PRPF8: variants seen among roughly 807,000 people sequenced by gnomAD.
PRPF8 encodes pre-mRNA-processing-splicing factor 8.
PRPF8 carries 64 observed loss-of-function variants against 285.9 expected under a neutral mutation model. The observed-to-expected ratio is 0.22, with a 90% CI of 0.18 to 0.28. The LOEUF (loss-of-function observed/expected upper bound fraction) is 0.28, where lower values mean the gene tolerates loss of function less well. Ranked by LOEUF, PRPF8 falls within the 10% of genes least tolerant of loss-of-function variation. The probability of loss-of-function intolerance (pLI) is 1.00; values close to 1 mark genes in which losing one functional copy is unlikely to be tolerated. For synonymous variants in PRPF8, 1,325 were observed against 1,118.2 expected (o/e 1.18, Z -3.69); for missense variants, 1,426 against 3,026.7 (o/e 0.47, Z 12.41).
intron 13 of PRPF8, 26 bp downstream of exon 13, chr17:1,678,492 G>C (rs756483177): frequency 6.2e-6 from 10 of 1,613,966 alleles, no homozygotes; most frequent in Non-Finnish European, 7.6e-6. Context: ...TCAAAAAAAA[G>C]AAAGTCAGTA....
Position 1,659,103 on chromosome 17 carries a change from G to A in PRPF8, c.5138+254C>T, listed in dbSNP as rs1911551341. The A allele has an allele frequency of 6.5e-6, 4 of 617,284 alleles. No individual in the cohort carries two copies. 38.2% of individuals were successfully genotyped at this position (617,284 alleles called of 1,614,324 possible). On this transcript the variant is annotated intron_variant, in intron 32 of 42. Transcript: ENST00000304992. The surrounding 1 kb of genome is among the most constrained non-coding windows in gnomAD (Gnocchi z 5.1). The stretch of plus-strand genomic sequence containing the variant: ...TGCAGTGGCGCAATCTCGGTTCACT[G>A]CAAGCTCCGCCTCCCGGGTTCAAGT...
chr17:1,680,890 G>A (rs767042751), intron 7 of PRPF8, 39 bp downstream of exon 7: 11 of 1,614,144 alleles, frequency 6.8e-6, no homozygotes, highest in Non-Finnish European at 7.6e-6. Flanking sequence ...CTAAACAGCA[G>A]CCTTCTCCTT....
In PRPF8 at chr17:1,679,420, T is replaced by C. The variant is rs73291009; in HGVS notation, c.1290-10A>G. On this transcript the variant is annotated splice_polypyrimidine_tract_variant and intron_variant, in intron 9 of 42. Coordinates refer to ENST00000304992, the MANE Select transcript of PRPF8 (RefSeq NM_006445.4). This position sits in a 1 kb window ranked among gnomAD's most constrained non-coding sequence, Gnocchi z 4.7. The stretch of plus-strand genomic sequence containing the variant: ...ACAATGCTCCCGATACCTGGAAAAA[T>C]AAGCCCACCAGAGTTTGGCCATCTC... 3.2e-3 allele frequency: 5,168 copies of C among 1,610,852 alleles called. 168 individuals carry two copies. In the African/African-American group the frequency reaches 0.061, roughly 19 times the overall value.
In PRPF8 at chr17:1,676,808, T is replaced by C; in HGVS notation, c.2182-97A>G. The C allele has an allele frequency of 2.0e-6, 3 of 1,506,546 alleles. No individual in the cohort carries two copies. Among genetic ancestry groups the C allele is most frequent in the South Asian group, 2.2e-5 (2 of 89,072 alleles). The allele number at this position is 1,506,546 out of a possible 1,614,324, so 93.3% of individuals were successfully genotyped here. A position where few individuals can be genotyped will look rare whatever the true frequency, so the allele number is the denominator to read the frequency against. On this transcript the variant is annotated intron_variant, in intron 15 of 42. Coordinates refer to ENST00000304992, the MANE Select transcript of PRPF8 (RefSeq NM_006445.4). The surrounding 1 kb of genome is among the most constrained non-coding windows in gnomAD (Gnocchi z 6.3). ...ACTCAGGAGGCTAAGGAGGATCGCT[T>C]GAGCTCAGGAGCTTGAGGCCAGCCT...
chr17:1,682,378 T>A, intron 3 of PRPF8, 85 bp from the exon 4 acceptor site: 1 of 1,516,708 alleles, frequency 6.6e-7, no homozygotes, highest in Non-Finnish European at 9.1e-7. Context: ...CATGTTCATG[T>A]TCCACAGTCC....
In PRPF8 at chr17:1,666,648, C is replaced by T. The variant is rs1454865801; in HGVS notation, c.3775-4495G>A. Among the ~76,000 whole-genome samples the T allele has an allele frequency of 3.9e-5, 6 of 151,910 alleles. No individual in the cohort carries two copies. The East Asian group carries it at 9.6e-4, about 24-fold the overall frequency. Reference sequence around the variant, plus strand: ...AGCTGAATAAAACAAGATAGCAAACCACAAAATACCAAATGATATAGTCAA... The same window carrying T: ...AGCTGAATAAAACAAGATAGCAAACTACAAAATACCAAATGATATAGTCAA... On this transcript the variant is annotated intron_variant, in intron 24 of 42. Coordinates refer to ENST00000304992, the MANE Select transcript of PRPF8 (RefSeq NM_006445.4).
chr17:1,682,084 AACCACCACC>A (rs200119630), intron 4 of PRPF8, 36 bp downstream of exon 4: 4 of 1,610,224 alleles, frequency 2.5e-6, no homozygotes, highest in Admixed American at 1.7e-5. Context: ...ACTGCCTCCC[AACCACCACC>A]ACCACCACCA....
chr17:1,673,005 G>A lies in PRPF8; in HGVS notation c.3774+76C>T, dbSNP rs970609495. 3.0e-6 allele frequency: 4 copies of A among 1,343,808 alleles called. No homozygotes were observed. Among genetic ancestry groups the A allele is most frequent in the Non-Finnish European group, 4.3e-6 (4 of 933,842 alleles). 83.2% of individuals were successfully genotyped at this position (1,343,808 alleles called of 1,614,324 possible). A position where few individuals can be genotyped will look rare whatever the true frequency, so the allele number is the denominator to read the frequency against. On this transcript the variant is annotated intron_variant, in intron 24 of 42. Coordinates refer to ENST00000304992, the MANE Select transcript of PRPF8 (RefSeq NM_006445.4). The surrounding 1 kb of genome is among the most constrained non-coding windows in gnomAD (Gnocchi z 5.5). The stretch of plus-strand genomic sequence containing the variant: ...GAAGAGAAGGAAGCAGCCAGCAGGG[G>A]ACGAAGTGAAAGGGGTGTGAAATGA...
Position 1,651,607 on chromosome 17 carries a change from C to T in PRPF8, c.6510+41G>A. 1 of 1,614,092 alleles carries T rather than the reference C, an allele frequency of 6.2e-7. No individual in the cohort carries two copies. The highest frequency in any genetic ancestry group is 8.5e-7 in the Non-Finnish European group (1 of 1,180,026). The stretch of plus-strand genomic sequence containing the variant: ...ATCCCATCCACAGACAGGAATCGCA[C>T]CAGCTTTTCCACACTCCCAGGCTCC... On this transcript the variant is annotated intron_variant, in intron 40 of 42. Transcript: ENST00000304992. This position sits in a 1 kb window ranked among gnomAD's most constrained non-coding sequence, Gnocchi z 5.1.
intron 24 of PRPF8, among the ~76,000 whole-genome samples, chr17:1,667,314 T>C (rs1912047044): frequency 6.6e-6 from 1 of 152,190 alleles, no homozygotes; most frequent in African/African-American, 2.4e-5. Flanking sequence ...ATTTCTGTTG[T>C]AGTTAACAGT....
At chr17:1,671,254 T>A (rs8076644) in intron 24 of PRPF8, among the ~76,000 whole-genome samples, 1 of 152,024 alleles carries the variant, frequency 6.6e-6, no homozygotes, top group Non-Finnish European at 1.5e-5. Context: ...TCACTAACTC[T>A]AGTGCTCTCA....
At chr17:1,682,396 C>T (rs537510343) in intron 3 of PRPF8, 103 bp from the exon 4 acceptor site, 3 of 1,452,004 alleles carry the variant, frequency 2.1e-6, no homozygotes, top group African/African-American at 2.8e-5. Flanking sequence ...TCCTACCTTA[C>T]AATCCAAACT....
At position 1,673,851 on chromosome 17, in the gene PRPF8, A is replaced by T; in HGVS notation, c.3341T>A (p.Leu1114Gln). ...ATTATTGGGGTCAGGGTGCTCTGTCAGGTAACGTTGAATCAGGTCCCGAGC... is the reference window on the plus strand; with the variant it reads ...ATTATTGGGGTCAGGGTGCTCTGTCTGGTAACGTTGAATCAGGTCCCGAGC... ...DEARDLIQRY[L>Q]TEHPDPNNEN... Residue 1114 changes from leucine (L) to glutamine (Q), a missense_variant, in exon 22 of 43, where the codon CTG (leucine) becomes CAG (glutamine). Physicochemically the swap from Leu to Gln is moderately radical, Grantham distance 113. Coordinates refer to ENST00000304992, the MANE Select transcript of PRPF8 (RefSeq NM_006445.4). The surrounding 1 kb of genome is among the most constrained non-coding windows in gnomAD (Gnocchi z 5.5). The T allele has an allele frequency of 6.2e-7, 1 of 1,613,986 alleles. No homozygotes were observed. The highest frequency in any genetic ancestry group is 8.5e-7 in the Non-Finnish European group (1 of 1,180,006).
rs1006183704 is a variant in PRPF8, at chr17:1,659,031, A to G, written c.5139-268T>C. ...GATTATTTATTTATTTATTATTATT[A>G]TTATTTTTCTTTGAGATGGAGTCTC... On this transcript the variant is annotated intron_variant, in intron 32 of 42. Coordinates refer to ENST00000304992, the MANE Select transcript of PRPF8 (RefSeq NM_006445.4). The surrounding 1 kb of genome is among the most constrained non-coding windows in gnomAD (Gnocchi z 5.1). 16 of 497,606 alleles carry G rather than the reference A, an allele frequency of 3.2e-5. 1 individual carries two copies. Among genetic ancestry groups the G allele is most frequent in the Non-Finnish European group, 4.2e-5 (12 of 286,950 alleles). The allele number at this position is 497,606 out of a possible 1,614,324, so 30.8% of individuals were successfully genotyped here. A position where few individuals can be genotyped will look rare whatever the true frequency, so the allele number is the denominator to read the frequency against.
chr17:1,660,009 A>T lies in PRPF8; in HGVS notation c.4786-8T>A, dbSNP rs925150535. The stretch of plus-strand genomic sequence containing the variant: ...AAGTTCCTGGTCAAACACCTGAAGG[A>T]AAACATGGAGAGATTAAGACTTGTT... On this transcript the variant is annotated splice_polypyrimidine_tract_variant and splice_region_variant and intron_variant, in intron 30 of 42. Transcript: ENST00000304992. 1.9e-6 allele frequency: 3 copies of T among 1,613,916 alleles called. No homozygotes were observed. In the South Asian group the frequency reaches 3.3e-5, roughly 18 times the overall value.
chr17:1,680,931 G>C lies in PRPF8; in HGVS notation c.990C>G (p.Thr330=), dbSNP rs1409492597. ...ATGTTGTGTTCCAGGTCTCTTACCA[G>C]GTGAGGTGGACATGGTGTGGAAGAT... is the stretch of plus-strand genomic sequence containing the variant. The part of the protein sequence containing the change: ...YNNLPHHVHL[T]WYHTPNVVFI... The change falls in exon 7 of 43, where the codon ACC becomes ACG. Residue 330 remains threonine (T), a splice_region_variant and synonymous_variant. Coordinates refer to ENST00000304992, the MANE Select transcript of PRPF8 (RefSeq NM_006445.4). 9 of 1,614,164 alleles carry C rather than the reference G, an allele frequency of 5.6e-6. No individual in the cohort carries two copies. Among genetic ancestry groups the C allele is most frequent in the East Asian group, 4.5e-5 (2 of 44,884 alleles).
chr17:1,658,601 G>A lies in PRPF8; in HGVS notation c.5301C>T (p.Asn1767=), dbSNP rs1911518449. ...TCTGGTTGGAGAAGAGCTCACCATA[G>A]TTCTGAGAAGACAAATAAGGCTCAG... ...EPTEPYLSSQ[N]YGELFSNQII... is the part of the protein sequence containing the mutation. The change falls in exon 33 of 43, where the codon AAC becomes AAT. Residue 1767 remains asparagine (N), a synonymous_variant. Coordinates refer to ENST00000304992, the MANE Select transcript of PRPF8 (RefSeq NM_006445.4). The surrounding 1 kb of genome is among the most constrained non-coding windows in gnomAD (Gnocchi z 4.1). 6.2e-7 allele frequency: 1 copy of A among 1,614,158 alleles called. No individual in the cohort carries two copies. The highest frequency in any genetic ancestry group is 8.5e-7 in the Non-Finnish European group (1 of 1,179,986).
rs976466022 is a variant in PRPF8 at position 1,659,094 on chromosome 17, C to T, written c.5138+263G>A. 2.8e-5 allele frequency: 17 copies of T among 606,304 alleles called. No homozygotes were observed. In the Admixed American group the frequency reaches 2.8e-4, roughly 10 times the overall value. The allele number at this position is 606,304 out of a possible 1,614,324, so 37.6% of individuals were successfully genotyped here. A position where few individuals can be genotyped will look rare whatever the true frequency, so the allele number is the denominator to read the frequency against. On this transcript the variant is annotated intron_variant, in intron 32 of 42. Transcript: ENST00000304992. This position sits in a 1 kb window ranked among gnomAD's most constrained non-coding sequence, Gnocchi z 5.1. ...AGGCTGGAGTGCAGTGGCGCAATCT[C>T]GGTTCACTGCAAGCTCCGCCTCCCG...
rs563151603 is a variant in PRPF8, at chr17:1,679,552, G to T, written c.1289+57C>A. 3 of 1,604,980 alleles carry T rather than the reference G, an allele frequency of 1.9e-6. No individual in the cohort carries two copies. The African/African-American group carries it at 4.0e-5, about 22-fold the overall frequency. On this transcript the variant is annotated intron_variant, in intron 9 of 42. Transcript: ENST00000304992. The surrounding 1 kb of genome is among the most constrained non-coding windows in gnomAD (Gnocchi z 4.7). Reference sequence around the variant, plus strand: ...AAAAGGCTACATGCCCACCTAGTTGGAGTCTTTTCTCCTACACATCCACTA... The same window carrying T: ...AAAAGGCTACATGCCCACCTAGTTGTAGTCTTTTCTCCTACACATCCACTA...
Sources: allele counts gnomAD v4.1 joint callset (sites outside exome capture counted in the v4.1 genomes callset), GRCh38; gene constraint gnomAD v4.1.1; non-coding constraint Gnocchi (gnomAD v3.1); transcripts MANE v1.5; gene names NCBI Gene and HGNC (gene_info 2026-07-23, HGNC 2026-07-21).